Variants in RETREG1 observed in about 807,000 individuals in gnomAD.
RETREG1 encodes family with sequence similarity 134 member B.
A neutral mutation model predicts 54.8 loss-of-function variants in RETREG1; 44 were observed. The observed-to-expected ratio is 0.80, with a 90% confidence interval of 0.63 to 1.03. The LOEUF is 1.03. RETREG1 is among the 50% of genes least tolerant of loss of function. The pLI is 0.00. For missense variants in RETREG1, 554 were observed against 605.1 expected (o/e 0.92, Z 0.89); for synonymous variants, 217 against 238.5 (o/e 0.91, Z 0.83).
intron 1 of RETREG1, among the ~76,000 whole-genome samples, chr5:16,612,464 T>C (rs1743375057): frequency 6.6e-6 from 1 of 152,252 alleles, no homozygotes; most frequent in Non-Finnish European, 1.5e-5. Flanking sequence ...GACATCAAAA[T>C]GTTTACCCTT....
intron 3 of RETREG1, among the ~76,000 whole-genome samples, chr5:16,513,882 T>C (rs1247843549): frequency 6.6e-6 from 1 of 152,216 alleles, no homozygotes; most frequent in African/African-American, 2.4e-5. Context: ...GTCATGATCT[T>C]TGATGAGACA....
intron 3 of RETREG1, among the ~76,000 whole-genome samples, chr5:16,495,812 A>AT (rs1739431997): frequency 6.6e-6 from 1 of 151,418 alleles, no homozygotes; most frequent in South Asian, 2.1e-4. Flanking sequence ...AAAAAAAAAA[A>AT]TAGATGAGTA....
intron 3 of RETREG1, among the ~76,000 whole-genome samples, chr5:16,529,767 C>G (rs1000314283): frequency 1.2e-4 from 18 of 152,144 alleles, no homozygotes; most frequent in African/African-American, 3.4e-4. Context: ...CAGTCCAACC[C>G]AGAGTGGAAT....
intron 1 of RETREG1, among the ~76,000 whole-genome samples, chr5:16,595,527 T>C (rs1742876809): frequency 6.6e-6 from 1 of 152,190 alleles, no homozygotes; most frequent in South Asian, 2.1e-4. Flanking sequence ...CAACAAAATG[T>C]TTCCTTGGAA....
At chr5:16,523,395 G>T (rs1579643931) in intron 3 of RETREG1, among the ~76,000 whole-genome samples, 1 of 152,168 alleles carries the variant, frequency 6.6e-6, no homozygotes, top group Admixed American at 6.5e-5. Flanking sequence ...TGACAGATCT[G>T]AGGAGTGTTT....
chr5:16,533,350 T>C (rs118167810), intron 3 of RETREG1, among the ~76,000 whole-genome samples: 1 of 152,140 alleles, frequency 6.6e-6, no homozygotes, highest in East Asian at 1.9e-4. Context: ...GCTGATAATA[T>C]GAACTTAAAA....
intron 1 of RETREG1, among the ~76,000 whole-genome samples, chr5:16,615,410 AAAAAAG>A (rs1019677020): frequency 1.3e-5 from 2 of 151,492 alleles, no homozygotes; most frequent in African/African-American, 4.8e-5. Flanking sequence ...AAAAAAAAAA[AAAAAAG>A]AAAGAAAGAA....
rs1056921161 is a variant in RETREG1 at position 16,481,155 on chromosome 5, G to A, written c.586-62C>T. The A allele has an allele frequency of 6.1e-6, 7 of 1,147,626 alleles. No individual in the cohort carries two copies. In the African/African-American group the frequency reaches 1.1e-4, roughly 18 times the overall value. The allele number at this position is 1,147,626 out of a possible 1,614,324, so 71.1% of individuals were successfully genotyped here. A position where few individuals can be genotyped will look rare whatever the true frequency, so the allele number is the denominator to read the frequency against. On this transcript the variant is annotated intron_variant, in intron 4 of 8. Transcript: ENST00000306320. ...TAACACCAAGATATTTCGGAGCACAGGATACACACACAATTGTAAATCTAT... is the reference window on the plus strand; with the variant it reads ...TAACACCAAGATATTTCGGAGCACAAGATACACACACAATTGTAAATCTAT...
intron 3 of RETREG1, among the ~76,000 whole-genome samples, chr5:16,556,845 T>C (rs1352764779): frequency 6.6e-6 from 1 of 152,206 alleles, no homozygotes; most frequent in Non-Finnish European, 1.5e-5. Context: ...TTTTATTTTT[T>C]TTGAGATGGA....
At chr5:16,502,117 T>C (rs1739744434) in intron 3 of RETREG1, among the ~76,000 whole-genome samples, 1 of 151,952 alleles carries the variant, frequency 6.6e-6, no homozygotes, top group Non-Finnish European at 1.5e-5. Flanking sequence ...CCACCACGCC[T>C]GGCTCATTTT....
At chr5:16,530,104 C>T (rs1157512086) in intron 3 of RETREG1, among the ~76,000 whole-genome samples, 1 of 152,256 alleles carries the variant, frequency 6.6e-6, no homozygotes, top group East Asian at 1.9e-4. Flanking sequence ...CTTGCATGCT[C>T]ATCTCCATCT....
At chr5:16,529,492 C>T (rs868693386) in intron 3 of RETREG1, among the ~76,000 whole-genome samples, 4 of 152,130 alleles carry the variant, frequency 2.6e-5, no homozygotes, top group East Asian at 3.9e-4. Context: ...CCACATGGGT[C>T]GCCCTGTCAT....
At chr5:16,484,965 G>A (rs1278852394) in intron 3 of RETREG1, among the ~76,000 whole-genome samples, 1 of 151,968 alleles carries the variant, frequency 6.6e-6, no homozygotes, top group East Asian at 1.9e-4. Context: ...ACCATATCTG[G>A]CACCAGGTTT....
intron 3 of RETREG1, among the ~76,000 whole-genome samples, chr5:16,487,389 G>A (rs555636762): frequency 6.6e-6 from 1 of 152,218 alleles, no homozygotes; most frequent in South Asian, 2.1e-4. Flanking sequence ...TCACTAAGGA[G>A]TGAACTCACC....
At chr5:16,534,148 T>C (rs1305595209) in intron 3 of RETREG1, among the ~76,000 whole-genome samples, 5 of 152,008 alleles carry the variant, frequency 3.3e-5, no homozygotes, top group Non-Finnish European at 7.4e-5. Flanking sequence ...TAATGAACAT[T>C]TCACCAAGCA....
chr5:16,523,285 AG>A (rs1170845744), intron 3 of RETREG1, among the ~76,000 whole-genome samples: 1 of 152,136 alleles, frequency 6.6e-6, no homozygotes, highest in Non-Finnish European at 1.5e-5. Flanking sequence ...CAGGATACCC[AG>A]ATACCCTCCC....
chr5:16,493,149 C>G (rs33688), intron 3 of RETREG1, among the ~76,000 whole-genome samples: 87,586 of 151,752 alleles, frequency 0.58, 25,575 homozygotes, highest in Admixed American at 0.72. Context: ...TGCGATTGAC[C>G]CTTTCCACCT....
Position 16,605,502 on chromosome 5 carries a change from A to T in RETREG1, c.320+11150T>A, listed in dbSNP as rs549606523. On this transcript the variant is annotated intron_variant, in intron 1 of 8. Coordinates refer to ENST00000306320, the MANE Select transcript of RETREG1 (RefSeq NM_001034850.3). ...ATCTAGAGAATGGAACAAGAATGGG[A>T]GGGAGTGGGGTGTTAAGAGTCTGCA... Among the ~76,000 whole-genome samples, 5 of 152,290 alleles carry T rather than the reference A, an allele frequency of 3.3e-5. No individual in the cohort carries two copies. In the South Asian group the frequency reaches 1.0e-3, roughly 32 times the overall value.
chr5:16,507,817 A>C (rs1740017299), intron 3 of RETREG1, among the ~76,000 whole-genome samples: 1 of 152,048 alleles, frequency 6.6e-6, no homozygotes, highest in Non-Finnish European at 1.5e-5. Flanking sequence ...AAATTGTCCA[A>C]CTCCTTTTCT....
Sources: allele counts gnomAD v4.1 joint callset (sites outside exome capture counted in the v4.1 genomes callset), GRCh38; gene constraint gnomAD v4.1.1; transcripts MANE v1.5; gene names NCBI Gene and HGNC (gene_info 2026-07-23, HGNC 2026-07-21).